The following DNAH6 variants were observed in gnomAD, a reference collection of about 807,000 sequenced individuals.
The protein encoded by DNAH6 is dynein axonemal heavy chain 6.
In DNAH6, 340 loss-of-function variants were observed where a neutral mutation model predicts 491.4. That is an observed-to-expected ratio of 0.69 (90% CI 0.63 to 0.76). The LOEUF is 0.76. Ranked by LOEUF, DNAH6 falls within the 30% of genes least tolerant of loss-of-function variation. The probability of loss-of-function intolerance (pLI) is 0.00; values close to 1 mark genes in which losing one functional copy is unlikely to be tolerated. For synonymous variants in DNAH6, 1,603 were observed against 1,686.1 expected (o/e 0.95, Z 1.21); for missense variants, 4,443 against 4,972.2 (o/e 0.89, Z 3.20).
intron 11 of DNAH6, among the ~76,000 whole-genome samples, chr2:84,560,861 G>A (rs1418052324): frequency 6.6e-6 from 1 of 151,778 alleles, no homozygotes; most frequent in Non-Finnish European, 1.5e-5. Context: ...GTCTATCATT[G>A]TTGGACATTT....
chr2:84,560,273 T>C (rs1054340228), intron 11 of DNAH6, among the ~76,000 whole-genome samples: 4 of 151,952 alleles, frequency 2.6e-5, no homozygotes, highest in Non-Finnish European at 2.9e-5. Flanking sequence ...CTGCAGGTCT[T>C]ACAGAGACAA....
At chr2:84,710,518 C>A in intron 56 of DNAH6, 106 bp downstream of exon 56, 7 of 1,154,922 alleles carry the variant, frequency 6.1e-6, no homozygotes, top group East Asian at 2.6e-5. Flanking sequence ...CAGTCAACTC[C>A]ATTTTCAAAT....
At chr2:84,622,948 A>G (rs1283701324) in intron 26 of DNAH6, among the ~76,000 whole-genome samples, 1 of 152,020 alleles carries the variant, frequency 6.6e-6, no homozygotes, top group Non-Finnish European at 1.5e-5. Flanking sequence ...TCATTTTTTC[A>G]TATATCCGGT....
intron 68 of DNAH6, among the ~76,000 whole-genome samples, chr2:84,793,424 C>T (rs1329248244): frequency 3.9e-5 from 6 of 152,188 alleles, no homozygotes; most frequent in Admixed American, 3.9e-4. Flanking sequence ...GAAAACACTT[C>T]TGTGCTGCTT....
chr2:84,643,968 T>C (rs1689655875), intron 33 of DNAH6, among the ~76,000 whole-genome samples: 1 of 152,168 alleles, frequency 6.6e-6, no homozygotes, highest in Admixed American at 6.5e-5. Context: ...TAATATTTTC[T>C]TGATAGCTGG....
At chr2:84,605,378 A>G in intron 19 of DNAH6, 122 bp from the exon 20 acceptor site, 1 of 579,160 alleles carries the variant, frequency 1.7e-6, no homozygotes, top group Non-Finnish European at 2.9e-6. Flanking sequence ...AAAGAATTTT[A>G]GAGAGCAATA....
At chr2:84,777,909 C>T (rs1419680468) in intron 64 of DNAH6, 7 of 1,179,140 alleles carry the variant, frequency 5.9e-6, no homozygotes, top group East Asian at 4.7e-5. Context: ...AAGATGTTCA[C>T]GTTAGGCTGG....
At position 84,762,874 on chromosome 2, in the gene DNAH6, C is replaced by A; in HGVS notation, c.10632C>A (p.Phe3544Leu). 1 of 1,551,506 alleles carries A rather than the reference C, an allele frequency of 6.4e-7. No individual in the cohort carries two copies. Among genetic ancestry groups the A allele is most frequent in the Non-Finnish European group, 8.7e-7 (1 of 1,146,756 alleles). The part of the protein sequence containing the change: ...QDMSCNTPLV[F>L]ILSTGSDPMG... ...TGTCATGCAACACTCCCCTGGTATTCATCCTAAGCACAGGCTCAGATCCCA... is the reference window on the plus strand; with the variant it reads ...TGTCATGCAACACTCCCCTGGTATTAATCCTAAGCACAGGCTCAGATCCCA... Residue 3544 changes from phenylalanine (F) to leucine (L), a missense_variant, in exon 64 of 77, where the codon TTC (phenylalanine) becomes TTA (leucine). Physicochemically the swap from Phe to Leu is conservative, Grantham distance 22 (BLOSUM62 0). Transcript: ENST00000389394.
chr2:84,517,089 T>G (rs931212232), intron 1 of DNAH6, among the ~76,000 whole-genome samples: 3 of 152,218 alleles, frequency 2.0e-5, no homozygotes, highest in Non-Finnish European at 4.4e-5. Flanking sequence ...CCAGCACTGA[T>G]CTATATAAAA....
At position 84,793,962 on chromosome 2, in the gene DNAH6, C is replaced by T. The variant is rs536904705; in HGVS notation, c.11240-2344C>T. Among the ~76,000 whole-genome samples the T allele has an allele frequency of 7.9e-5, 12 of 152,344 alleles. No individual in the cohort carries two copies. In the South Asian group the frequency reaches 2.5e-3, roughly 32 times the overall value. ...CTACGGTAGTCAAAACAGCATGATA[C>T]TGGTACCAAAACAGAGATATAGATC... On this transcript the variant is annotated intron_variant, in intron 68 of 76. Coordinates refer to ENST00000389394, the MANE Select transcript of DNAH6 (RefSeq NM_001370.2).
intron 5 of DNAH6, 119 bp downstream of exon 5, chr2:84,544,619 T>A (rs1678595972): frequency 1.6e-6 from 1 of 641,142 alleles, no homozygotes; most frequent in African/African-American, 1.8e-5. Flanking sequence ...TTAAGAGAAT[T>A]CCCAGTTTTC....
At chr2:84,733,914 AGAAAAATGGACAAATCAAAAT>A (rs1573641090) in intron 62 of DNAH6, among the ~76,000 whole-genome samples, 1 of 151,982 alleles carries the variant, frequency 6.6e-6, no homozygotes, top group East Asian at 1.9e-4. Context: ...ACATAAATCC[AGAAAAATGGACAAATCAAAAT>A]TATAGTTTGA....
the DNAH6 span, among the ~76,000 whole-genome samples, chr2:84,511,028 C>CA: frequency 1.3e-4 from 20 of 152,058 alleles, no homozygotes; most frequent in Non-Finnish European, 2.2e-4. Flanking sequence ...GTCAGGGACC[C>CA]ACTTGAGGAG....
At chr2:84,720,427 C>T (rs1218934893) in intron 59 of DNAH6, among the ~76,000 whole-genome samples, 3 of 150,820 alleles carry the variant, frequency 2.0e-5, no homozygotes, top group South Asian at 2.1e-4. Context: ...TACAGGCGCC[C>T]GCCACTACGC....
Position 84,718,319 on chromosome 2 carries a change from C to T in DNAH6, c.9727C>T (p.Leu3243Phe), listed in dbSNP as rs1294988664. 1.3e-6 allele frequency: 2 copies of T among 1,551,300 alleles called. No individual in the cohort carries two copies. Among genetic ancestry groups the T allele is most frequent in the Non-Finnish European group, 1.7e-6 (2 of 1,146,810 alleles). ...TATCGAAGAGAAAATCCTGAGAATGCTCTTTACCTCTGAAGGAAATATTCT... is the reference window on the plus strand; with the variant it reads ...TATCGAAGAGAAAATCCTGAGAATGTTCTTTACCTCTGAAGGAAATATTCT... ...KTIEEKILRM[L>F]FTSEGNILDN... is the part of the protein sequence containing the mutation. Residue 3243 changes from leucine (L) to phenylalanine (F), a missense_variant, in exon 59 of 77, where the codon CTC (leucine) becomes TTC (phenylalanine). Around this residue, in one of 3 missense-constraint regions of DNAH6, gnomAD observed 1,463 missense variants for 1,656.6 expected, o/e 0.88. Coordinates refer to ENST00000389394, the MANE Select transcript of DNAH6 (RefSeq NM_001370.2).
chr2:84,672,271 T>C, intron 39 of DNAH6, 56 bp from the exon 40 acceptor site: 1 of 1,511,768 alleles, frequency 6.6e-7, no homozygotes, highest in Non-Finnish European at 8.9e-7. Context: ...AGCTTTGTCT[T>C]ACATTTTCTA....
In DNAH6 at chr2:84,686,552, A is replaced by G; in HGVS notation, c.7132A>G (p.Ile2378Val). 1.3e-6 allele frequency: 2 copies of G among 1,505,554 alleles called. No individual in the cohort carries two copies. The highest frequency in any genetic ancestry group is 1.7e-4 in the Middle Eastern group (1 of 5,904). The allele number at this position is 1,505,554 out of a possible 1,614,324, so 93.3% of individuals were successfully genotyped here. ...LNKPIIFGDF[I>V]KFGADKADRI... ...TAAGCCCATCATATTTGGAGATTTC[A>G]TTAAGGCAAGTATGTTAGATTGACT... is the stretch of plus-strand genomic sequence containing the variant. The change falls in exon 44 of 77, where the codon ATT (isoleucine) becomes GTT (valine). Residue 2378 changes from isoleucine (I) to valine (V), a missense_variant. Ile to Val is a conservative substitution (Grantham distance 29). Coordinates refer to ENST00000389394, the MANE Select transcript of DNAH6 (RefSeq NM_001370.2).
intron 33 of DNAH6, among the ~76,000 whole-genome samples, chr2:84,650,005 T>C (rs1351632342): frequency 1.3e-5 from 2 of 152,154 alleles, no homozygotes; most frequent in East Asian, 3.9e-4. Flanking sequence ...TCTGTTGTCA[T>C]TTTATGTGTT....
At chr2:84,701,482 T>C in intron 49 of DNAH6, 143 bp downstream of exon 49, 1 of 878,746 alleles carries the variant, frequency 1.1e-6, no homozygotes, top group Non-Finnish European at 1.7e-6. Context: ...TACCTGAGAC[T>C]GGGTAATTTA....
Sources: gnomAD v4.1 joint callset for allele counts (sites outside exome capture counted in the v4.1 genomes callset) on GRCh38, gnomAD v4.1.1 for gene constraint, gnomAD v4.1.1 regional missense constraint, MANE v1.5 for transcripts, NCBI Gene and HGNC (gene_info 2026-07-23, HGNC 2026-07-21) for gene names.